Variants in USP12 observed in about 807,000 individuals in gnomAD.
USP12 encodes ubiquitin specific peptidase 12.
A neutral mutation model predicts 45.5 loss-of-function variants in USP12; 19 were observed. The observed-to-expected ratio is 0.42, with a 90% CI of 0.29 to 0.61. The LOEUF (loss-of-function observed/expected upper bound fraction) is 0.61. USP12 is among the 20% of genes least tolerant of loss of function. The pLI is 0.22. For synonymous variants in USP12, 149 were observed against 148.8 expected (o/e 1.00, Z -0.01); for missense variants, 242 against 447.7 (o/e 0.54, Z 4.15).
chr13:27,074,945 T>C (rs1873409122), intron 7 of USP12, among the ~76,000 whole-genome samples: 1 of 151,792 alleles, frequency 6.6e-6, no homozygotes, highest in Non-Finnish European at 1.5e-5. Context: ...ATCTCAAAGT[T>C]CTAGGAAATC....
chr13:27,155,365 G>A lies in USP12; in HGVS notation c.48+16227C>T, dbSNP rs1231957603. ...CAAGGTGCTGGGATCACAGGTGTGA[G>A]CCACTGCACCCAGCGACCTCCATAA... On this transcript the variant is annotated intron_variant, in intron 1 of 8. Coordinates refer to ENST00000282344, the MANE Select transcript of USP12 (RefSeq NM_182488.4). 2.0e-5 allele frequency among the ~76,000 whole-genome samples: 3 copies of A among 152,042 alleles called. No individual in the cohort carries two copies. In the East Asian group the frequency reaches 5.8e-4, roughly 29 times the overall value.
chr13:27,068,523 TTAAC>T lies in USP12; in HGVS notation c.*756_*759del, dbSNP rs1159054521. The T allele has an allele frequency of 6.6e-6, 1 of 152,288 alleles. No homozygotes were observed. Among genetic ancestry groups the T allele is most frequent in the Non-Finnish European group, 1.5e-5 (1 of 68,020 alleles). 9.4% of individuals were successfully genotyped at this position (152,288 alleles called of 1,614,324 possible). A position where few individuals can be genotyped will look rare whatever the true frequency, so the allele number is the denominator to read the frequency against. ...AACAAAAGGACAACTTAAACTGACA[TTAAC>T]TAATAAAAATATGTTCAAATTTACT... On this transcript the variant is annotated 3_prime_UTR_variant, in exon 9 of 9. Coordinates refer to ENST00000282344, the MANE Select transcript of USP12 (RefSeq NM_182488.4).
At chr13:27,087,251 ATGTG>A (rs55816785) in intron 6 of USP12, among the ~76,000 whole-genome samples, 7,067 of 143,910 alleles carry the variant, frequency 0.049, 193 homozygotes, top group Admixed American at 0.078. Flanking sequence ...GTGGGGAGGG[ATGTG>A]TGTGTGTGTG....
intron 1 of USP12, among the ~76,000 whole-genome samples, chr13:27,158,693 T>C (rs899746734): frequency 2.0e-5 from 3 of 152,202 alleles, no homozygotes; most frequent in Non-Finnish European, 4.4e-5. Context: ...TACAGTATTA[T>C]AATCCACACA....
At chr13:27,109,929 C>T (rs1350334129) in intron 2 of USP12, among the ~76,000 whole-genome samples, 1 of 68,988 alleles carries the variant, frequency 1.4e-5, no homozygotes, top group Non-Finnish European at 3.3e-5. Context: ...AAAAAAAAGT[C>T]ATCTTTGAGA....
chr13:27,076,820 ATTCC>A (rs1873510249), intron 6 of USP12, among the ~76,000 whole-genome samples: 1 of 152,234 alleles, frequency 6.6e-6, no homozygotes, highest in African/African-American at 2.4e-5. Context: ...ATAGCTTATT[ATTCC>A]TAAATTACTT....
At chr13:27,156,642 AC>A (rs1877856289) in intron 1 of USP12, among the ~76,000 whole-genome samples, 1 of 152,108 alleles carries the variant, frequency 6.6e-6, no homozygotes, top group South Asian at 2.1e-4. Context: ...ACATGGTGAA[AC>A]CCCATCTCTA....
At chr13:27,169,277 A>G (rs1878479644) in intron 1 of USP12, 1 of 152,178 alleles carries the variant, frequency 6.6e-6, no homozygotes, top group South Asian at 2.1e-4. Flanking sequence ...TTATTCAAGT[A>G]AGGCTCCCTG....
At chr13:27,105,592 A>T in intron 3 of USP12, 139 bp downstream of exon 3, 1 of 767,130 alleles carries the variant, frequency 1.3e-6, no homozygotes, top group Non-Finnish European at 2.1e-6. Context: ...GCCTCTTTGA[A>T]GAAAGGCGTG....
intron 3 of USP12, among the ~76,000 whole-genome samples, chr13:27,101,974 C>A (rs776203225): frequency 3.9e-5 from 6 of 152,032 alleles, no homozygotes; most frequent in Non-Finnish European, 5.9e-5. Flanking sequence ...GACTGACAAC[C>A]GTGCCTGCCA....
chr13:27,107,674 A>G (rs184056467), intron 2 of USP12, among the ~76,000 whole-genome samples: 44 of 152,334 alleles, frequency 2.9e-4, no homozygotes, highest in African/African-American at 1.0e-3. Flanking sequence ...CCCATCCAAA[A>G]GAACTCGGAC....
intron 1 of USP12, among the ~76,000 whole-genome samples, chr13:27,117,339 AT>A (rs1875791300): frequency 6.6e-6 from 1 of 152,192 alleles, no homozygotes; most frequent in East Asian, 1.9e-4. Context: ...AAATATAAAT[AT>A]GCACATGCTC....
At chr13:27,082,232 A>G (rs1189127815) in intron 6 of USP12, among the ~76,000 whole-genome samples, 1 of 152,208 alleles carries the variant, frequency 6.6e-6, no homozygotes, top group African/African-American at 2.4e-5. Flanking sequence ...TATTTTAGCT[A>G]GACAATCTAG....
chr13:27,111,473 A>C (rs1305082992), intron 2 of USP12, among the ~76,000 whole-genome samples: 2 of 152,216 alleles, frequency 1.3e-5, no homozygotes, highest in African/African-American at 4.8e-5. Context: ...GTAGGTTTAA[A>C]TTAGGGAGAA....
chr13:27,092,326 C>G (rs1874355821), intron 4 of USP12, among the ~76,000 whole-genome samples: 1 of 152,204 alleles, frequency 6.6e-6, no homozygotes, highest in South Asian at 2.1e-4. Flanking sequence ...AAATCCTTAT[C>G]AAAATCCCAG....
chr13:27,071,285 C>G, intron 7 of USP12, 136 bp from the exon 8 acceptor site: 1 of 653,672 alleles, frequency 1.5e-6, no homozygotes, highest in Middle Eastern at 4.4e-4. Context: ...ATACCCCTTA[C>G]CTATTCTTGC....
intron 1 of USP12, among the ~76,000 whole-genome samples, chr13:27,130,104 A>T (rs560224387): frequency 6.6e-6 from 1 of 152,332 alleles, no homozygotes; most frequent in African/African-American, 2.4e-5. Flanking sequence ...GCATCCCCAG[A>T]GGCGGGCACA....
chr13:27,149,599 G>C (rs1014929244), intron 1 of USP12, among the ~76,000 whole-genome samples: 15 of 152,164 alleles, frequency 9.9e-5, no homozygotes, highest in African/African-American at 3.6e-4. Flanking sequence ...TAGAATAGTG[G>C]TTACTAGAGT....
chr13:27,168,676 C>T (rs58373221), intron 1 of USP12, among the ~76,000 whole-genome samples: 11,222 of 152,190 alleles, frequency 0.074, 470 homozygotes, highest in African/African-American at 0.11. Flanking sequence ...AATGTACTCA[C>T]TGCAATCTAA....
Sources: gnomAD v4.1 joint callset for allele counts (sites outside exome capture counted in the v4.1 genomes callset) on GRCh38, gnomAD v4.1.1 for gene constraint, MANE v1.5 for transcripts, NCBI Gene and HGNC (gene_info 2026-07-23, HGNC 2026-07-21) for gene names.